Variants in ME1 observed in about 807,000 individuals in gnomAD.
The protein encoded by ME1 is NADP-dependent malic enzyme.
Under a neutral mutation model 66.4 loss-of-function variants are expected in ME1, and 74 were observed. The ratio of observed to expected loss-of-function variants is 1.11; its 90% CI spans 0.92 to 1.35. ME1 has a LOEUF of 1.35. ME1 is among the 40% of genes most tolerant of loss of function. The pLI is 0.00. For synonymous variants in ME1, 251 were observed against 235.6 expected, an observed-to-expected ratio of 1.07 and a Z score of -0.60; for missense variants, 750 against 694.1, an observed-to-expected ratio of 1.08 and a Z score of -0.90.
At chr6:83,271,542 C>T (rs1164430195) in intron 6 of ME1, among the ~76,000 whole-genome samples, 2 of 152,262 alleles carry the variant, frequency 1.3e-5, no homozygotes, top group African/African-American at 2.4e-5. Context: ...ATATCAACTA[C>T]ATCAGTCATT....
intron 1 of ME1, among the ~76,000 whole-genome samples, chr6:83,430,662 C>T (rs1444775351): frequency 6.6e-6 from 1 of 152,258 alleles, no homozygotes; most frequent in Non-Finnish European, 1.5e-5. Context: ...TGCAGAGGCA[C>T]CAGCACTGCC....
chr6:83,354,420 C>T lies in ME1; in HGVS notation c.363-2281G>A, dbSNP rs147007724. On this transcript the variant is annotated intron_variant, in intron 3 of 13. Transcript: ENST00000369705. ...GTGTTGGGATTATAGGCGTGAGCTA[C>T]GGCACTTGGCCTCTCGTGGTTTTAA... is the stretch of plus-strand genomic sequence containing the variant. 4.7e-4 allele frequency among the ~76,000 whole-genome samples: 72 copies of T among 152,300 alleles called. 1 individual carries two copies. The highest frequency in any genetic ancestry group is 1.5e-3 in the African/African-American group (63 of 41,560).
intron 12 of ME1, among the ~76,000 whole-genome samples, chr6:83,219,740 A>ATTTT (rs11324255): frequency 1.3e-4 from 17 of 133,210 alleles, no homozygotes; most frequent in Non-Finnish European, 1.6e-4. Flanking sequence ...TGCCCAACTA[A>ATTTT]TTTTTTTTTT....
At chr6:83,405,915 G>C (rs1026704904) in intron 2 of ME1, among the ~76,000 whole-genome samples, 1 of 151,908 alleles carries the variant, frequency 6.6e-6, no homozygotes, top group Non-Finnish European at 1.5e-5. Context: ...TAGAGACGGG[G>C]TTTCACCGTT....
At chr6:83,392,677 G>C in intron 3 of ME1, 3 of 599,866 alleles carry the variant, frequency 5.0e-6, no homozygotes, top group South Asian at 2.7e-5. Flanking sequence ...AATCAAATGG[G>C]GCAATGCTGG....
rs578228182 is a variant in ME1, at chr6:83,378,719, T to C, written c.362+19648A>G. On this transcript the variant is annotated intron_variant, in intron 3 of 13. Transcript: ENST00000369705. Reference sequence around the variant, plus strand: ...CCAATTCAATGTGGCAGTTAGCAGATACTTGGACAACAGAAATCCTTCATG... The same window carrying C: ...CCAATTCAATGTGGCAGTTAGCAGACACTTGGACAACAGAAATCCTTCATG... Among the ~76,000 whole-genome samples, 8 of 151,600 alleles carry C rather than the reference T, an allele frequency of 5.3e-5. No individual in the cohort carries two copies. The South Asian group carries it at 1.7e-3, about 32-fold the overall frequency.
chr6:83,307,543 T>C (rs1031171787), intron 6 of ME1, among the ~76,000 whole-genome samples: 2 of 152,142 alleles, frequency 1.3e-5, no homozygotes, highest in African/African-American at 2.4e-5. Context: ...CTCATGCTGA[T>C]CAAAGTGACA....
chr6:83,321,377 T>C (rs1021870579), intron 5 of ME1, among the ~76,000 whole-genome samples: 2 of 152,142 alleles, frequency 1.3e-5, no homozygotes, highest in Non-Finnish European at 2.9e-5. Context: ...ATTCCATCCC[T>C]ATGGAGCCCA....
At chr6:83,390,081 G>A (rs1035897017) in intron 3 of ME1, among the ~76,000 whole-genome samples, 3 of 151,770 alleles carry the variant, frequency 2.0e-5, no homozygotes, top group Non-Finnish European at 2.9e-5. Context: ...TTAGAAATAC[G>A]GTTATTCATA....
chr6:83,344,185 C>G (rs1160178663), intron 5 of ME1, among the ~76,000 whole-genome samples: 1 of 150,076 alleles, frequency 6.7e-6, no homozygotes, highest in African/African-American at 2.5e-5. Context: ...ACTCGAAAGG[C>G]TGAGGCAGGA....
At chr6:83,255,648 T>C (rs1250971877) in intron 6 of ME1, among the ~76,000 whole-genome samples, 1 of 152,136 alleles carries the variant, frequency 6.6e-6, no homozygotes, top group East Asian at 1.9e-4. Flanking sequence ...CACCCAACTA[T>C]GTCAGCACCA....
rs535125934 is a variant in ME1, at chr6:83,344,875, G to A, written c.600+1298C>T. On this transcript the variant is annotated intron_variant, in intron 5 of 13. Coordinates refer to ENST00000369705, the MANE Select transcript of ME1 (RefSeq NM_002395.6). The stretch of plus-strand genomic sequence containing the variant: ...CCAGCCTGGGTGACAGCAAGACTCC[G>A]TCTCAAAAAAAAATAAAATAAAATA... Among the ~76,000 whole-genome samples, 7 of 150,252 alleles carry A rather than the reference G, an allele frequency of 4.7e-5. No individual in the cohort carries two copies. The South Asian group carries it at 6.3e-4, about 13-fold the overall frequency.
Position 83,211,709 on chromosome 6 carries a change from C to G in ME1, c.*215G>C. ...GAGAACGTAGGCAGAATAATTCAGA[C>G]AGAAACCATAAATAACCAGAAGGCA... On this transcript the variant is annotated 3_prime_UTR_variant, in exon 14 of 14. Transcript: ENST00000369705. 2.7e-6 allele frequency: 1 copy of G among 368,288 alleles called. No homozygotes were observed. Among genetic ancestry groups the G allele is most frequent in the Non-Finnish European group, 4.8e-6 (1 of 207,126 alleles). The allele number at this position is 368,288 out of a possible 1,614,324, so 22.8% of individuals were successfully genotyped here. A position where few individuals can be genotyped will look rare whatever the true frequency, so the allele number is the denominator to read the frequency against.
intron 5 of ME1, among the ~76,000 whole-genome samples, chr6:83,343,446 G>A (rs556155682): frequency 1.3e-5 from 2 of 152,302 alleles, no homozygotes; most frequent in African/African-American, 2.4e-5. Flanking sequence ...AGAGTTAAAG[G>A]TTCACCATTC....
intron 6 of ME1, among the ~76,000 whole-genome samples, chr6:83,301,336 C>CTCTCTT (rs1050827447): frequency 4.9e-5 from 6 of 123,520 alleles, no homozygotes; most frequent in African/African-American, 2.1e-4. Context: ...CTCTCTCTCT[C>CTCTCTT]TCTTTCTTTC....
At chr6:83,292,364 AACAG>A (rs1463031487) in intron 6 of ME1, among the ~76,000 whole-genome samples, 2 of 152,128 alleles carry the variant, frequency 1.3e-5, no homozygotes, top group East Asian at 1.9e-4. Context: ...TTTTCCTTCT[AACAG>A]ACAGGCCCCT....
intron 6 of ME1, among the ~76,000 whole-genome samples, chr6:83,265,692 T>C (rs1442436167): frequency 6.6e-6 from 1 of 152,184 alleles, no homozygotes; most frequent in Non-Finnish European, 1.5e-5. Flanking sequence ...GAACCAAAGC[T>C]GCAATATCTT....
chr6:83,383,720 G>T (rs565483828), intron 3 of ME1, among the ~76,000 whole-genome samples: 24 of 151,770 alleles, frequency 1.6e-4, no homozygotes, highest in Non-Finnish European at 3.2e-4. Context: ...TGTAAAATAT[G>T]ATATTCTCCA....
intron 6 of ME1, among the ~76,000 whole-genome samples, chr6:83,255,449 A>G (rs1766748436): frequency 6.6e-6 from 1 of 151,880 alleles, no homozygotes; most frequent in Admixed American, 6.6e-5. Context: ...TCTTTTATTT[A>G]TGGTTTCTCC....
Sources: gnomAD v4.1 joint callset for allele counts (sites outside exome capture counted in the v4.1 genomes callset) on GRCh38, gnomAD v4.1.1 for gene constraint, MANE v1.5 for transcripts, NCBI Gene and HGNC (gene_info 2026-07-23, HGNC 2026-07-21) for gene names.